DPPA5: variants seen among roughly 807,000 people sequenced by gnomAD.
DPPA5 encodes developmental pluripotency associated 5.
A neutral mutation model predicts 11.3 loss-of-function variants in DPPA5; 11 were observed. The observed-to-expected ratio is 0.97, with a 90% CI of 0.61 to 1.61. The LOEUF (loss-of-function observed/expected upper bound fraction) is 1.61. DPPA5 is among the 40% of genes most tolerant of loss of function. The pLI is 0.00. For synonymous variants in DPPA5, 53 were observed against 59.2 expected, an observed-to-expected ratio of 0.90 and a Z score of 0.48; for missense variants, 132 against 151.8, an observed-to-expected ratio of 0.87 and a Z score of 0.68.
At position 73,353,146 on chromosome 6, in the gene DPPA5, T is replaced by C; in HGVS notation, c.*174A>G. On this transcript the variant is annotated 3_prime_UTR_variant, in exon 3 of 3. Coordinates refer to ENST00000370370, the MANE Select transcript of DPPA5 (RefSeq NM_001025290.3). ...TTTATTAACAATCATCAAAGAAATA[T>C]TCACAACAAGACTCAGAGCCAAGGG... The C allele has an allele frequency of 3.2e-6, 2 of 632,804 alleles. No homozygotes were observed. Among genetic ancestry groups the C allele is most frequent in the South Asian group, 4.7e-5 (2 of 42,942 alleles). 39.2% of individuals were successfully genotyped at this position (632,804 alleles called of 1,614,324 possible). A position where few individuals can be genotyped will look rare whatever the true frequency, so the allele number is the denominator to read the frequency against.
intron 2 of DPPA5, 80 bp downstream of exon 2, chr6:73,353,773 A>AAGAGG (rs1362147859): frequency 4.0e-6 from 6 of 1,509,654 alleles, no homozygotes; most frequent in African/African-American, 1.4e-5. Flanking sequence ...AGAGAGGAGA[A>AAGAGG]AGAGGAGAGG....
chr6:73,354,039 G>A lies in DPPA5; in HGVS notation c.113-7C>T. 1 of 1,613,806 alleles carries A rather than the reference G, an allele frequency of 6.2e-7. No homozygotes were observed. Among genetic ancestry groups the A allele is most frequent in the Admixed American group, 1.7e-5 (1 of 60,018 alleles). ...ATTCGAGATCCGTCCGGGCCTGTTG[G>A]GGAAAAGAGATGAGATCCCCGGGCC... On this transcript the variant is annotated splice_polypyrimidine_tract_variant and splice_region_variant and intron_variant, in intron 1 of 2. Coordinates refer to ENST00000370370, the MANE Select transcript of DPPA5 (RefSeq NM_001025290.3).
At position 73,353,264 on chromosome 6, in the gene DPPA5, T is replaced by G; in HGVS notation, c.*56A>C. 3 of 1,604,984 alleles carry G rather than the reference T, an allele frequency of 1.9e-6. No homozygotes were observed. On this transcript the variant is annotated 3_prime_UTR_variant, in exon 3 of 3. Transcript: ENST00000370370. Reference sequence around the variant, plus strand: ...AACAAGCTTAAGGAATCACTCTAGCTCTGGCCACAACCTAATCTCTGCAAC... The same window carrying G: ...AACAAGCTTAAGGAATCACTCTAGCGCTGGCCACAACCTAATCTCTGCAAC...
chr6:73,353,730 C>T (rs1372669625), intron 2 of DPPA5, 123 bp downstream of exon 2: 2 of 1,331,466 alleles, frequency 1.5e-6, no homozygotes, highest in Admixed American at 2.8e-5. Context: ...CCAAGGGCAC[C>T]CCTGGTGACG....
chr6:73,353,936 AC>A lies in DPPA5; in HGVS notation c.208del (p.Val70PhefsTer37). On this transcript the variant is annotated frameshift_variant, in exon 2 of 3. Coordinates refer to ENST00000370370, the MANE Select transcript of DPPA5 (RefSeq NM_001025290.3). LOFTEE classifies it high-confidence loss of function. Reference protein sequence around the residue: ...LESSDLTEVVVYGSYLYKLRT... With the variant: ...LESSDLTEVVXYGSYLYKLRT... The stretch of plus-strand genomic sequence containing the variant: ...GAGCTTGTACAAATAGGAGCCGTAA[AC>A]CACGACCTCGGTGAGGTCTGAAGAC... 2 of 1,614,192 alleles carry A rather than the reference AC, an allele frequency of 1.2e-6. No homozygotes were observed. The highest frequency in any genetic ancestry group is 2.2e-5 in the South Asian group (2 of 91,086).
At chr6:73,354,060 G>C (rs946048252) in intron 1 of DPPA5, 28 bp from the exon 2 acceptor site, 2 of 1,613,604 alleles carry the variant, frequency 1.2e-6, no homozygotes, top group Non-Finnish European at 1.7e-6. Context: ...TGAGATCCCC[G>C]GGCCGGCTGA....
rs777744208 is a variant in DPPA5, at chr6:73,354,128, A to G, written c.98T>C (p.Leu33Pro). Residue 33 changes from leucine (L) to proline (P), a missense_variant, in exon 1 of 3, where the codon CTG (leucine) becomes CCG (proline). Coordinates refer to ENST00000370370, the MANE Select transcript of DPPA5 (RefSeq NM_001025290.3). ...GGCACACTCACCGAAAATGGCTTTCAGCAGCCGCGTCTGGACCTGGAACAC... is the reference window on the plus strand; with the variant it reads ...GGCACACTCACCGAAAATGGCTTTCGGCAGCCGCGTCTGGACCTGGAACAC... ...PEVFQVQTRL[L>P]KAIFGPDGSR... The G allele has an allele frequency of 1.0e-4, 169 of 1,614,046 alleles. No homozygotes were observed. Among genetic ancestry groups the G allele is most frequent in the Middle Eastern group, 1.6e-4 (1 of 6,084 alleles).
rs761734129 is a variant in DPPA5, at chr6:73,354,194, G to A, written c.32C>T (p.Pro11Leu). ...GTCTTCGGGAACTTTCACCCACGGC[G>A]GGATATGTCTACGTGCCGGGAGAGT... MGTLPARRHI[P>L]PWVKVPEDLK... The change falls in exon 1 of 3, where the codon CCG (proline) becomes CTG (leucine). Residue 11 changes from proline (P) to leucine (L), a missense_variant. Pro to Leu is a moderately conservative substitution (Grantham distance 98, BLOSUM62 -3). Coordinates refer to ENST00000370370, the MANE Select transcript of DPPA5 (RefSeq NM_001025290.3). The A allele has an allele frequency of 3.7e-6, 6 of 1,614,094 alleles. No homozygotes were observed. The highest frequency in any genetic ancestry group is 1.7e-5 in the Admixed American group (1 of 60,016).
rs780925724 is a variant in DPPA5 at position 73,353,978 on chromosome 6, T to G, written c.167A>C (p.Glu56Ala). 3.1e-5 allele frequency: 50 copies of G among 1,613,690 alleles called. No homozygotes were observed. Among genetic ancestry groups the G allele is most frequent in the Non-Finnish European group, 4.2e-5 (49 of 1,179,942 alleles). ...GTCTGAAGACTCCAGAGCCTTCAGC[T>G]CGAGCATGGCCTTGCTCACCTGCTC... Reference protein sequence around the residue: ...YIEQVSKAMLELKALESSDLT... With the variant: ...YIEQVSKAMLALKALESSDLT... The change falls in exon 2 of 3, where the codon GAG becomes GCG. Residue 56 changes from glutamate (E) to alanine (A), a missense_variant. Transcript: ENST00000370370.
rs1384373407 is a variant in DPPA5, at chr6:73,354,192, G to A, written c.34C>T (p.Pro12Ser). 4 of 1,614,208 alleles carry A rather than the reference G, an allele frequency of 2.5e-6. No homozygotes were observed. The East Asian group carries it at 8.9e-5, about 36-fold the overall frequency. Residue 12 changes from proline to serine, a missense_variant, in exon 1 of 3, where the codon CCG becomes TCG. Transcript: ENST00000370370. Reference protein sequence around the residue: ...GTLPARRHIPPWVKVPEDLKD... With the variant: ...GTLPARRHIPSWVKVPEDLKD... ...AGGTCTTCGGGAACTTTCACCCACG[G>A]CGGGATATGTCTACGTGCCGGGAGA...
Position 73,353,888 on chromosome 6 carries a change from G to A in DPPA5, c.257C>T (p.Ser86Phe). 6.2e-7 allele frequency: 1 copy of A among 1,613,958 alleles called. No homozygotes were observed. Among genetic ancestry groups the A allele is most frequent in the Non-Finnish European group, 8.5e-7 (1 of 1,179,990 alleles). ...GCGCTGGCGGTGCCACTCAGCCATGGACTGGAGCATCCACTTGGTCCGGAG... is the reference window on the plus strand; with the variant it reads ...GCGCTGGCGGTGCCACTCAGCCATGAACTGGAGCATCCACTTGGTCCGGAG... ...YKLRTKWMLQ[S>F]MAEWHRQRQE... is the part of the protein sequence containing the mutation. The change falls in exon 2 of 3, where the codon TCC becomes TTC. Residue 86 changes from serine (S) to phenylalanine (F), a missense_variant. Ser to Phe is a radical substitution (Grantham distance 155, BLOSUM62 -2). Coordinates refer to ENST00000370370, the MANE Select transcript of DPPA5 (RefSeq NM_001025290.3).
At position 73,353,362 on chromosome 6, in the gene DPPA5, G is replaced by A; in HGVS notation, c.309C>T (p.Ala103=). ...CTAGTTCGAGGGCATTCATGGCTTC[G>A]GCAAGTTTGAGCATCCCTGCACCAG... is the stretch of plus-strand genomic sequence containing the variant. ...QRQERGMLKL[A]EAMNALELGP... is the part of the protein sequence containing the mutation. Residue 103 remains alanine (A), a synonymous_variant, in exon 3 of 3, where the codon GCC becomes GCT. Coordinates refer to ENST00000370370, the MANE Select transcript of DPPA5 (RefSeq NM_001025290.3). 6.2e-7 allele frequency: 1 copy of A among 1,614,068 alleles called. No individual in the cohort carries two copies. The highest frequency in any genetic ancestry group is 8.5e-7 in the Non-Finnish European group (1 of 1,180,016).
intron 1 of DPPA5, 27 bp from the exon 2 acceptor site, chr6:73,354,059 C>T (rs1388353669): frequency 6.2e-6 from 10 of 1,613,550 alleles, no homozygotes; most frequent in African/African-American, 2.7e-5. Context: ...ATGAGATCCC[C>T]GGGCCGGCTG....
intron 2 of DPPA5, 132 bp downstream of exon 2, chr6:73,353,721 C>T: frequency 7.8e-7 from 1 of 1,281,084 alleles, no homozygotes; most frequent in East Asian, 2.5e-5. Flanking sequence ...GCCCAGATGC[C>T]AAGGGCACCC....
chr6:73,353,761 C>T, intron 2 of DPPA5, 92 bp downstream of exon 2: 2 of 1,470,172 alleles, frequency 1.4e-6, no homozygotes. Flanking sequence ...TGGCAGCGAG[C>T]AAGAGAGGAG....
rs1357011596 is a variant in DPPA5 at position 73,354,259 on chromosome 6, C to A, written c.-34G>T. 5 of 1,607,112 alleles carry A rather than the reference C, an allele frequency of 3.1e-6. No individual in the cohort carries two copies. The highest frequency in any genetic ancestry group is 4.3e-6 in the Non-Finnish European group (5 of 1,175,034). ...CCTCACAACCAAGACCACTCTCCAG[C>A]GCAAACCAGGCCTAATCACGCCGGC... On this transcript the variant is annotated 5_prime_UTR_variant, in exon 1 of 3. Coordinates refer to ENST00000370370, the MANE Select transcript of DPPA5 (RefSeq NM_001025290.3).
In DPPA5 at chr6:73,354,215, A is replaced by C; in HGVS notation, c.11T>G (p.Leu4Arg). The C allele has an allele frequency of 1.2e-6, 2 of 1,614,154 alleles. No individual in the cohort carries two copies. Among genetic ancestry groups the C allele is most frequent in the Non-Finnish European group, 1.7e-6 (2 of 1,180,022 alleles). Residue 4 changes from leucine (L) to arginine (R), a missense_variant, in exon 1 of 3, where the codon CTC becomes CGC. Leu to Arg is a moderately radical substitution (Grantham distance 102, BLOSUM62 -2). Transcript: ENST00000370370. ...CGGCGGGATATGTCTACGTGCCGGGAGAGTTCCCATCTTATGACCCTCACA... is the reference window on the plus strand; with the variant it reads ...CGGCGGGATATGTCTACGTGCCGGGCGAGTTCCCATCTTATGACCCTCACA... MGT[L>R]PARRHIPPWV...
In DPPA5 at chr6:73,353,216, C is replaced by T; in HGVS notation, c.*104G>A. 2.8e-6 allele frequency: 4 copies of T among 1,440,644 alleles called. No homozygotes were observed. The South Asian group carries it at 4.6e-5, about 17-fold the overall frequency. The allele number at this position is 1,440,644 out of a possible 1,614,324, so 89.2% of individuals were successfully genotyped here. A position where few individuals can be genotyped will look rare whatever the true frequency, so the allele number is the denominator to read the frequency against. ...GGGAACAAATGGTTTTCCCTTAACT[C>T]TTTAGGCTGGAGCAGATTTTAAAAC... On this transcript the variant is annotated 3_prime_UTR_variant, in exon 3 of 3. Coordinates refer to ENST00000370370, the MANE Select transcript of DPPA5 (RefSeq NM_001025290.3).
intron 2 of DPPA5, 67 bp from the exon 3 acceptor site, chr6:73,353,445 G>A: frequency 6.3e-7 from 1 of 1,592,458 alleles, no homozygotes; most frequent in African/African-American, 1.3e-5. Context: ...ACTGTTCTCC[G>A]CCTCTTTCAG....
Sources: gnomAD v4.1 joint callset for allele counts on GRCh38, gnomAD v4.1.1 for gene constraint, MANE v1.5 for transcripts, NCBI Gene and HGNC (gene_info 2026-07-23, HGNC 2026-07-21) for gene names.